The following AMPH variants were observed in gnomAD, a reference collection of about 807,000 sequenced individuals.
AMPH encodes amphiphysin (Stiff-Mann syndrome with breast cancer 128kD autoantigen).
In AMPH, 49 loss-of-function variants were observed where a neutral mutation model predicts 99.1. The ratio of observed to expected loss-of-function variants is 0.49; its 90% CI spans 0.39 to 0.63. The LOEUF (loss-of-function observed/expected upper bound fraction) is 0.63, where lower values mean the gene tolerates loss of function less well. Ranked by LOEUF, AMPH falls within the 20% of genes least tolerant of loss-of-function variation. The probability of loss-of-function intolerance (pLI) is 0.00; values close to 1 mark genes in which losing one functional copy is unlikely to be tolerated. For missense variants in AMPH, 759 were observed against 863.4 expected (o/e 0.88, Z 1.52); for synonymous variants, 314 against 317.3 (o/e 0.99, Z 0.11).
At chr7:38,565,279 T>C (rs1324027342) in intron 1 of AMPH, among the ~76,000 whole-genome samples, 2 of 152,202 alleles carry the variant, frequency 1.3e-5, no homozygotes, top group African/African-American at 4.8e-5. Context: ...CTATGCTTCT[T>C]AAGCTAAGAA....
intron 20 of AMPH, 28 bp from the exon 21 acceptor site, chr7:38,384,953 G>T (rs767990888): frequency 1.3e-6 from 2 of 1,594,586 alleles, no homozygotes; most frequent in Non-Finnish European, 1.7e-6. Flanking sequence ...AACTTTCAGG[G>T]TCCAGCAAAC....
At chr7:38,392,047 G>C (rs75365101) in intron 18 of AMPH, 30 bp from the exon 19 acceptor site, 5 of 1,595,670 alleles carry the variant, frequency 3.1e-6, no homozygotes, top group Non-Finnish European at 4.2e-6. Context: ...GGCGATGCCC[G>C]GCAGGGCCTG....
At chr7:38,617,333 A>G (rs1046135600) in intron 1 of AMPH, among the ~76,000 whole-genome samples, 4 of 152,250 alleles carry the variant, frequency 2.6e-5, no homozygotes, top group African/African-American at 9.6e-5. Flanking sequence ...AGATCTCTAG[A>G]TGCCATGAAA....
intron 1 of AMPH, among the ~76,000 whole-genome samples, chr7:38,609,315 G>A (rs1012101267): frequency 3.3e-5 from 5 of 152,138 alleles, no homozygotes; most frequent in African/African-American, 1.2e-4. Flanking sequence ...TTTTATTTCT[G>A]TTTAACTTGG....
intron 11 of AMPH, among the ~76,000 whole-genome samples, chr7:38,450,907 T>G (rs1786986828): frequency 6.6e-6 from 1 of 151,112 alleles, no homozygotes; most frequent in African/African-American, 2.4e-5. Flanking sequence ...TTTTTTTTTT[T>G]GAGACAGGGT....
At chr7:38,441,030 C>T (rs1008130735) in intron 11 of AMPH, among the ~76,000 whole-genome samples, 17 of 151,880 alleles carry the variant, frequency 1.1e-4, no homozygotes, top group Non-Finnish European at 2.1e-4. Context: ...AAGAAACTAA[C>T]TTGAAGTATG....
At chr7:38,411,195 TA>T (rs1785206548) in intron 17 of AMPH, among the ~76,000 whole-genome samples, 1 of 152,206 alleles carries the variant, frequency 6.6e-6, no homozygotes, top group Admixed American at 6.5e-5. Flanking sequence ...GATGCCTAAA[TA>T]ATCCTATTTC....
In AMPH at chr7:38,564,768, C is replaced by T. The variant is rs575602237; in HGVS notation, c.70-29757G>A. 2.4e-4 allele frequency among the ~76,000 whole-genome samples: 36 copies of T among 152,126 alleles called. No homozygotes were observed. In the East Asian group the frequency reaches 6.2e-3, roughly 26 times the overall value. The stretch of plus-strand genomic sequence containing the variant: ...GAATTAAGAATGGCTATTTGTAGGT[C>T]GAAGTGGTGAAAAAACCTTATCAAG... On this transcript the variant is annotated intron_variant, in intron 1 of 20. Coordinates refer to ENST00000356264, the MANE Select transcript of AMPH (RefSeq NM_001635.4).
chr7:38,473,593 A>G (rs1249171892), intron 7 of AMPH, among the ~76,000 whole-genome samples: 1 of 105,020 alleles, frequency 9.5e-6, no homozygotes, highest in African/African-American at 3.9e-5. Flanking sequence ...AGTCCCAGCT[A>G]CTCGGGAGGC....
At chr7:38,417,554 T>C (rs1211010833) in intron 17 of AMPH, among the ~76,000 whole-genome samples, 1 of 152,250 alleles carries the variant, frequency 6.6e-6, no homozygotes, top group East Asian at 1.9e-4. Flanking sequence ...TTAACAGGTC[T>C]GATTACTCGC....
At chr7:38,404,946 A>G (rs1297859755) in intron 17 of AMPH, among the ~76,000 whole-genome samples, 2 of 152,212 alleles carry the variant, frequency 1.3e-5, no homozygotes, top group African/African-American at 2.4e-5. Flanking sequence ...AAAATCTTAA[A>G]GGCAGCTAGA....
At chr7:38,418,356 A>G (rs1341561276) in intron 16 of AMPH, among the ~76,000 whole-genome samples, 1 of 152,210 alleles carries the variant, frequency 6.6e-6, no homozygotes, top group Non-Finnish European at 1.5e-5. Flanking sequence ...GGAGGCAGAG[A>G]CAGAGAGAAA....
chr7:38,469,015 G>C (rs1410237172), intron 7 of AMPH, among the ~76,000 whole-genome samples: 1 of 116,954 alleles, frequency 8.6e-6, no homozygotes, highest in Non-Finnish European at 1.7e-5. Context: ...TTAGCCGGGC[G>C]TAGTGGCGGG....
intron 2 of AMPH, among the ~76,000 whole-genome samples, chr7:38,520,954 G>A (rs894167701): frequency 3.9e-5 from 6 of 152,174 alleles, no homozygotes; most frequent in African/African-American, 1.4e-4. Flanking sequence ...GATCCCTAAA[G>A]AGAAAAGCCA....
intron 11 of AMPH, among the ~76,000 whole-genome samples, chr7:38,458,508 C>T (rs534555283): frequency 1.3e-5 from 2 of 152,246 alleles, no homozygotes; most frequent in South Asian, 4.1e-4. Flanking sequence ...ACAGATGACA[C>T]ACCACGACCA....
At chr7:38,406,031 C>A (rs1784975751) in intron 17 of AMPH, among the ~76,000 whole-genome samples, 1 of 152,100 alleles carries the variant, frequency 6.6e-6, no homozygotes, top group South Asian at 2.1e-4. Context: ...TCTCAGACCA[C>A]AGTGGAATAA....
At chr7:38,513,635 A>G (rs1003359542) in intron 2 of AMPH, among the ~76,000 whole-genome samples, 2 of 152,196 alleles carry the variant, frequency 1.3e-5, no homozygotes, top group Non-Finnish European at 2.9e-5. Flanking sequence ...AGCTTGACCA[A>G]AACAGAAATT....
intron 4 of AMPH, among the ~76,000 whole-genome samples, chr7:38,491,600 AC>A (rs1788720113): frequency 1.3e-5 from 2 of 152,240 alleles, no homozygotes; most frequent in African/African-American, 2.4e-5. Context: ...GAAAGGTCTT[AC>A]CATTTATGGA....
chr7:38,409,805 C>T (rs1319329387), intron 17 of AMPH, among the ~76,000 whole-genome samples: 1 of 152,144 alleles, frequency 6.6e-6, no homozygotes, highest in African/African-American at 2.4e-5. Flanking sequence ...ACAGAGATCC[C>T]AAAGTTAATG....
Sources: allele counts gnomAD v4.1 joint callset (sites outside exome capture counted in the v4.1 genomes callset), GRCh38; gene constraint gnomAD v4.1.1; transcripts MANE v1.5; gene names NCBI Gene and HGNC (gene_info 2026-07-23, HGNC 2026-07-21).